Variants in NEMP1 observed in about 807,000 individuals in gnomAD.
NEMP1 encodes transmembrane protein 194.
A neutral mutation model predicts 53.7 loss-of-function variants in NEMP1; 29 were observed. The observed-to-expected ratio is 0.54, with a 90% CI of 0.40 to 0.74. The LOEUF (loss-of-function observed/expected upper bound fraction) is 0.74. Among genes scored for constraint, NEMP1 ranks in the 30% least tolerant of loss-of-function variants. The probability of loss-of-function intolerance (pLI) is 0.00; values close to 1 mark genes in which losing one functional copy is unlikely to be tolerated. For missense variants in NEMP1, 477 were observed against 528.6 expected (o/e 0.90, Z 0.96); for synonymous variants, 193 against 192.9 (o/e 1.00, Z 0.00).
intron 1 of NEMP1, among the ~76,000 whole-genome samples, chr12:57,084,371 A>G (rs1403234248): frequency 6.6e-6 from 1 of 152,228 alleles, no homozygotes; most frequent in African/African-American, 2.4e-5. Flanking sequence ...GGAACACTCC[A>G]TTCCACATAC....
chr12:57,073,011 G>A, intron 1 of NEMP1, 99 bp from the exon 2 acceptor site: 6 of 1,121,026 alleles, frequency 5.4e-6, no homozygotes, highest in South Asian at 4.3e-5. Flanking sequence ...CTAAACTTTG[G>A]GTTAAAACAT....
intron 1 of NEMP1, among the ~76,000 whole-genome samples, chr12:57,086,746 C>T (rs1301474386): frequency 6.6e-6 from 1 of 152,100 alleles, no homozygotes. Flanking sequence ...GGGCCTCTGG[C>T]GGGCCCTGAC....
At chr12:57,071,709 T>A (rs988404009) in intron 2 of NEMP1, among the ~76,000 whole-genome samples, 11 of 151,790 alleles carry the variant, frequency 7.2e-5, no homozygotes, top group African/African-American at 1.2e-4. Context: ...GAATTTTTTT[T>A]AAAAATCCAC....
Position 57,058,164 on chromosome 12 carries a change from G to C in NEMP1, c.*1715C>G, listed in dbSNP as rs1349443058. 1 of 142,038 alleles carries C rather than the reference G, an allele frequency of 7.0e-6. No individual in the cohort carries two copies. Among genetic ancestry groups the C allele is most frequent in the Non-Finnish European group, 1.5e-5 (1 of 66,950 alleles). 8.8% of individuals were successfully genotyped at this position (142,038 alleles called of 1,614,324 possible). On this transcript the variant is annotated 3_prime_UTR_variant, in exon 9 of 9. Coordinates refer to ENST00000300128, the MANE Select transcript of NEMP1 (RefSeq NM_001130963.2). ...ACTATATGTCTCTTTCCTGCCAACT[G>C]AGGTAGTTGTCACTTAGGACAGTTT... is the stretch of plus-strand genomic sequence containing the variant.
In NEMP1 at chr12:57,078,704, A is replaced by C. The variant is rs2032747652; in HGVS notation, c.42T>G (p.Gly14=). The C allele has an allele frequency of 6.2e-7, 1 of 1,613,068 alleles. No homozygotes were observed. The highest frequency in any genetic ancestry group is 8.5e-7 in the Non-Finnish European group (1 of 1,179,618). Residue 14 remains glycine (G), a synonymous_variant, in exon 1 of 9, where the codon GGT becomes GGG. Transcript: ENST00000300128. ...CGACTCCCGAGCCCCAGGGCCCGGGACCAACTGCCGGCGAGACCGCCACTT... is the reference window on the plus strand; with the variant it reads ...CGACTCCCGAGCCCCAGGGCCCGGGCCCAACTGCCGGCGAGACCGCCACTT... The part of the protein sequence containing the change: ...GMKVAVSPAV[G]PGPWGSGVGG...
intron 1 of NEMP1, among the ~76,000 whole-genome samples, chr12:57,087,451 G>T (rs1008271475): frequency 6.6e-6 from 1 of 151,988 alleles, no homozygotes; most frequent in African/African-American, 2.4e-5. Context: ...CTGAGGTGGG[G>T]GGGGAGGGGT....
At position 57,070,913 on chromosome 12, in the gene NEMP1, A is replaced by C. The variant is rs757332894; in HGVS notation, c.253-20T>G. The C allele has an allele frequency of 1.5e-5, 23 of 1,567,910 alleles. No individual in the cohort carries two copies. The African/African-American group carries it at 2.5e-4, about 17-fold the overall frequency. ...TCGGATCTGTAACACAAATAAAATC[A>C]GGATGAGAAAAAAGGAAGTAGGAAT... On this transcript the variant is annotated intron_variant, in intron 2 of 8. Coordinates refer to ENST00000300128, the MANE Select transcript of NEMP1 (RefSeq NM_001130963.2).
chr12:57,064,976 C>T (rs1182759913), intron 4 of NEMP1, among the ~76,000 whole-genome samples: 1 of 152,150 alleles, frequency 6.6e-6, no homozygotes, highest in Non-Finnish European at 1.5e-5. Context: ...ATTGTTTACA[C>T]TATATTATAG....
rs972265126 is a variant in NEMP1 at position 57,058,416 on chromosome 12, C to T, written c.*1463G>A. 2 of 152,190 alleles carry T rather than the reference C, an allele frequency of 1.3e-5. No homozygotes were observed. Among genetic ancestry groups the T allele is most frequent in the African/African-American group, 4.8e-5 (2 of 41,444 alleles). 9.4% of individuals were successfully genotyped at this position (152,190 alleles called of 1,614,324 possible). A position where few individuals can be genotyped will look rare whatever the true frequency, so the allele number is the denominator to read the frequency against. ...TGCGCTTGCCATGACCATCTATCTT[C>T]CTGGCTAAGGTAATTACAGACTTTT... On this transcript the variant is annotated 3_prime_UTR_variant, in exon 9 of 9. Coordinates refer to ENST00000300128, the MANE Select transcript of NEMP1 (RefSeq NM_001130963.2).
chr12:57,068,652 A>G (rs556571334), intron 4 of NEMP1, among the ~76,000 whole-genome samples: 94 of 151,808 alleles, frequency 6.2e-4, no homozygotes, highest in African/African-American at 2.3e-3. Flanking sequence ...TGCAAGCTCC[A>G]CCTCCTGGGT....
Position 57,063,209 on chromosome 12 carries a change from T to C in NEMP1, c.890A>G (p.Gln297Arg). 1 of 1,614,148 alleles carries C rather than the reference T, an allele frequency of 6.2e-7. No homozygotes were observed. The highest frequency in any genetic ancestry group is 8.5e-7 in the Non-Finnish European group (1 of 1,179,998). ...AATGGCAAGGGCAATATGTGGTATC[T>C]GGATGCCAGAATACATGAAACACAG... ...MGLCFMYSGI[Q>R]IPHIALAIII... The change falls in exon 7 of 9, where the codon CAG becomes CGG. Residue 297 changes from glutamine to arginine, a missense_variant. Coordinates refer to ENST00000300128, the MANE Select transcript of NEMP1 (RefSeq NM_001130963.2).
intron 1 of NEMP1, among the ~76,000 whole-genome samples, chr12:57,075,553 G>C (rs1256814365): frequency 1.3e-5 from 2 of 151,236 alleles, no homozygotes; most frequent in Non-Finnish European, 1.5e-5. Context: ...CCCAGGCGTG[G>C]TGGCTCACGC....
upstream of NEMP1, among the ~76,000 whole-genome samples, chr12:57,079,406 T>C (rs2032776122): frequency 6.6e-6 from 1 of 152,250 alleles, no homozygotes; most frequent in South Asian, 2.1e-4. Context: ...AAAGATTCAT[T>C]TATTCCTCTT....
In NEMP1 at chr12:57,076,590, G is replaced by A. The variant is rs569153034; in HGVS notation, c.127+2029C>T. Among the ~76,000 whole-genome samples the A allele has an allele frequency of 3.1e-4, 47 of 151,302 alleles. No individual in the cohort carries two copies. The South Asian group carries it at 9.0e-3, about 29-fold the overall frequency. ...TGGGAGGCTGAGGTGGGCAGATCAC[G>A]AGGTCAGGAGTTTGAGACCAGCCTG... is the stretch of plus-strand genomic sequence containing the variant. On this transcript the variant is annotated intron_variant, in intron 1 of 8. Transcript: ENST00000300128.
In NEMP1 at chr12:57,060,918, A is replaced by G; in HGVS notation, c.1008T>C (p.Pro336=). ...CRKVCKGAEK[P]VPPRLLTEEE... ...CTTCTGTCAGGAGACGAGGGGGAAC[A>G]GGCTTTTCTGCTCCCTTACACACCT... The change falls in exon 8 of 9, where the codon CCT becomes CCC. Residue 336 remains proline, a synonymous_variant. Transcript: ENST00000300128. 5.0e-6 allele frequency: 8 copies of G among 1,614,088 alleles called. No individual in the cohort carries two copies. Among genetic ancestry groups the G allele is most frequent in the African/African-American group, 1.3e-5 (1 of 75,048 alleles).
At chr12:57,085,572 T>A (rs567662623) in intron 1 of NEMP1, among the ~76,000 whole-genome samples, 55 of 152,296 alleles carry the variant, frequency 3.6e-4, no homozygotes, top group Non-Finnish European at 4.0e-4. Context: ...CTTTCAGGAG[T>A]GAAACATTTC....
intron 1 of NEMP1, among the ~76,000 whole-genome samples, chr12:57,077,373 G>C (rs903833585): frequency 3.3e-5 from 5 of 149,962 alleles, no homozygotes; most frequent in African/African-American, 1.2e-4. Context: ...TGGCGGGCAA[G>C]TGTAATCCCA....
At chr12:57,068,658 TG>T (rs1402993824) in intron 4 of NEMP1, among the ~76,000 whole-genome samples, 2 of 152,136 alleles carry the variant, frequency 1.3e-5, no homozygotes, top group Admixed American at 6.6e-5. Context: ...CTCCACCTCC[TG>T]GGTTCACGCC....
chr12:57,076,955 C>T (rs1451655204), intron 1 of NEMP1, among the ~76,000 whole-genome samples: 32 of 10,910 alleles, frequency 2.9e-3, no homozygotes, highest in African/African-American at 0.013. Flanking sequence ...TTCTGCGGGG[C>T]GGGGCGGGCG....
Sources: allele counts gnomAD v4.1 joint callset (sites outside exome capture counted in the v4.1 genomes callset), GRCh38; gene constraint gnomAD v4.1.1; transcripts MANE v1.5; gene names NCBI Gene and HGNC (gene_info 2026-07-23, HGNC 2026-07-21).